VWA8: variants seen among roughly 807,000 people sequenced by gnomAD.
VWA8 encodes von Willebrand factor A domain-containing protein 8.
VWA8 carries 221 observed loss-of-function variants against 241.5 expected under a neutral mutation model. The observed-to-expected ratio is 0.91, with a 90% CI of 0.82 to 1.02. The LOEUF is 1.02. Among genes scored for constraint, VWA8 ranks in the 50% least tolerant of loss-of-function variants. The probability of loss-of-function intolerance (pLI) is 0.00; values close to 1 mark genes in which losing one functional copy is unlikely to be tolerated. For missense variants in VWA8, 2,322 were observed against 2,328.7 expected, an observed-to-expected ratio of 1.00 and a Z score of 0.06; for synonymous variants, 852 against 827.1, an observed-to-expected ratio of 1.03 and a Z score of -0.52.
intron 37 of VWA8, among the ~76,000 whole-genome samples, chr13:41,648,186 G>C (rs2044844604): frequency 6.6e-6 from 1 of 152,042 alleles, no homozygotes. Flanking sequence ...CACACTTCCT[G>C]AATCTGATCA....
At chr13:41,894,190 G>A (rs1450937531) in intron 4 of VWA8, among the ~76,000 whole-genome samples, 2 of 152,166 alleles carry the variant, frequency 1.3e-5, no homozygotes, top group African/African-American at 4.8e-5. Context: ...GCAAAGTCTT[G>A]ACAACATAGG....
intron 40 of VWA8, 79 bp downstream of exon 40, chr13:41,605,089 G>T: frequency 7.0e-7 from 1 of 1,421,998 alleles, no homozygotes; most frequent in Non-Finnish European, 9.8e-7. Flanking sequence ...TTAGGGTTCA[G>T]ATAATTTTCT....
intron 13 of VWA8, among the ~76,000 whole-genome samples, chr13:41,831,950 G>A (rs1252795872): frequency 7.6e-6 from 1 of 132,014 alleles, no homozygotes; most frequent in Non-Finnish European, 1.6e-5. Context: ...CTTTTTTTTT[G>A]AGACAGAGTC....
At chr13:41,727,381 T>C in intron 23 of VWA8, 68 bp from the exon 24 acceptor site, 2 of 1,117,752 alleles carry the variant, frequency 1.8e-6, no homozygotes, top group East Asian at 2.7e-5. Context: ...AGCAACAATC[T>C]TTTAGATAAC....
chr13:41,904,742 A>G (rs1593859198), intron 4 of VWA8, among the ~76,000 whole-genome samples: 2 of 152,186 alleles, frequency 1.3e-5, no homozygotes, highest in African/African-American at 4.8e-5. Flanking sequence ...TTTAGGGATT[A>G]CCAGACCATA....
intron 20 of VWA8, among the ~76,000 whole-genome samples, chr13:41,761,655 T>C (rs1264569239): frequency 6.6e-6 from 1 of 152,086 alleles, no homozygotes. Context: ...ATTTTTTCTA[T>C]TTGAATCAAA....
intron 29 of VWA8, among the ~76,000 whole-genome samples, chr13:41,693,452 G>A (rs1005367718): frequency 6.6e-6 from 1 of 151,796 alleles, no homozygotes; most frequent in African/African-American, 2.4e-5. Context: ...CACAAATCCA[G>A]GTTCAATTTA....
chr13:41,599,832 T>C (rs552262686), intron 40 of VWA8, among the ~76,000 whole-genome samples: 16 of 152,182 alleles, frequency 1.1e-4, no homozygotes, highest in Non-Finnish European at 2.1e-4. Flanking sequence ...CAAGTATAAG[T>C]TGGGGCTGGT....
intron 20 of VWA8, among the ~76,000 whole-genome samples, chr13:41,777,164 A>T (rs1402066048): frequency 6.6e-6 from 1 of 152,188 alleles, no homozygotes; most frequent in Non-Finnish European, 1.5e-5. Context: ...AGGAGCTGAG[A>T]ACAGAGATAA....
At chr13:41,913,321 T>C (rs1195768561) in intron 2 of VWA8, among the ~76,000 whole-genome samples, 2 of 152,248 alleles carry the variant, frequency 1.3e-5, no homozygotes, top group Non-Finnish European at 1.5e-5. Flanking sequence ...GAGATTCTTA[T>C]GTATAGCTTC....
In VWA8 at chr13:41,941,330, C is replaced by T. The variant is rs370921694; in HGVS notation, c.241+8606G>A. Among the ~76,000 whole-genome samples the T allele has an allele frequency of 2.8e-4, 42 of 152,250 alleles. 1 individual carries two copies. In the East Asian group the frequency reaches 5.0e-3, roughly 18 times the overall value. ...ACTTCAGCTGACCCCAGATATAATA[C>T]GGCACCTTAGAAGCTAAAAGAAGGA... On this transcript the variant is annotated intron_variant, in intron 2 of 44. Transcript: ENST00000379310.
rs993757871 is a variant in VWA8 at position 41,645,466 on chromosome 13, C to T, written c.4611+25480G>A. Among the ~76,000 whole-genome samples the T allele has an allele frequency of 2.0e-5, 3 of 152,152 alleles. No homozygotes were observed. The East Asian group carries it at 5.8e-4, about 29-fold the overall frequency. On this transcript the variant is annotated intron_variant, in intron 37 of 44. Coordinates refer to ENST00000379310, the MANE Select transcript of VWA8 (RefSeq NM_015058.2). ...ACCTCACTCAGGAAGTTCAGTTTTG[C>T]TACAAATATTACAAATACCAAACTG... is the stretch of plus-strand genomic sequence containing the variant.
At position 41,708,666 on chromosome 13, in the gene VWA8, C is replaced by T. The variant is rs1302038630; in HGVS notation, c.3117-5255G>A. Among the ~76,000 whole-genome samples, 5 of 152,102 alleles carry T rather than the reference C, an allele frequency of 3.3e-5. No individual in the cohort carries two copies. In the South Asian group the frequency reaches 1.0e-3, roughly 32 times the overall value. Reference sequence around the variant, plus strand: ...CCACTTCATAACTTAGACTTGTATACCTCTCCCACCTAGGTCCTGCAGAGA... The same window carrying T: ...CCACTTCATAACTTAGACTTGTATATCTCTCCCACCTAGGTCCTGCAGAGA... On this transcript the variant is annotated intron_variant, in intron 26 of 44. Transcript: ENST00000379310.
intron 2 of VWA8, among the ~76,000 whole-genome samples, chr13:41,949,330 A>T (rs986028664): frequency 2.6e-5 from 4 of 152,210 alleles, no homozygotes; most frequent in African/African-American, 9.6e-5. Context: ...TTGCAGGGAC[A>T]TGGATGAAAC....
intron 12 of VWA8, 67 bp downstream of exon 12, chr13:41,865,669 T>C: frequency 6.4e-7 from 1 of 1,552,036 alleles, no homozygotes; most frequent in African/African-American, 1.4e-5. Context: ...AAGATATCCA[T>C]AAATTCTGCT....
intron 37 of VWA8, among the ~76,000 whole-genome samples, chr13:41,635,006 T>C (rs548076227): frequency 6.6e-6 from 1 of 151,424 alleles, no homozygotes; most frequent in African/African-American, 2.5e-5. Context: ...ACTGGTGAAG[T>C]AGTTTTGGCC....
chr13:41,724,444 T>C (rs1212286144), intron 24 of VWA8, among the ~76,000 whole-genome samples: 1 of 152,092 alleles, frequency 6.6e-6, no homozygotes, highest in African/African-American at 2.4e-5. Context: ...AGAGGGAAGC[T>C]GCTGATACAG....
intron 21 of VWA8, among the ~76,000 whole-genome samples, chr13:41,733,708 G>A (rs547354629): frequency 6.6e-6 from 1 of 151,732 alleles, no homozygotes; most frequent in African/African-American, 2.4e-5. Context: ...CCCCCAATTC[G>A]GCCCTTAACA....
chr13:41,631,261 C>G (rs2044725001), intron 37 of VWA8, among the ~76,000 whole-genome samples: 2 of 152,124 alleles, frequency 1.3e-5, no homozygotes, highest in Non-Finnish European at 2.9e-5. Context: ...CTCAAGCGAT[C>G]CTCCCACCTA....
Sources: gnomAD v4.1 joint callset for allele counts (sites outside exome capture counted in the v4.1 genomes callset) on GRCh38, gnomAD v4.1.1 for gene constraint, MANE v1.5 for transcripts, NCBI Gene and HGNC (gene_info 2026-07-23, HGNC 2026-07-21) for gene names.